ARHGEF6: variants seen among roughly 807,000 people sequenced by gnomAD.
ARHGEF6 encodes rho guanine nucleotide exchange factor 6.
In ARHGEF6, 9 loss-of-function variants were observed where a neutral mutation model predicts 70.3. The observed-to-expected ratio is 0.13, with a 90% CI of 0.08 to 0.22. ARHGEF6 has a LOEUF of 0.22. Among genes scored for constraint, ARHGEF6 ranks in the 10% least tolerant of loss-of-function variants. The probability of loss-of-function intolerance (pLI) is 1.00; values close to 1 mark genes in which losing one functional copy is unlikely to be tolerated. For synonymous variants in ARHGEF6, 201 were observed against 207.8 expected (o/e 0.97, Z 0.28); for missense variants, 470 against 563.0 (o/e 0.83, Z 1.67).
intron 2 of ARHGEF6, chrX:136,767,672 G>T (rs765828174): frequency 5.0e-5 from 38 of 752,887 alleles, no homozygotes; most frequent in South Asian, 2.7e-4. Flanking sequence ...AGCCCGCGAA[G>T]CTTCTCCAGA....
intron 21 of ARHGEF6, among the ~76,000 whole-genome samples, chrX:136,669,226 T>C (rs1314295165): frequency 1.8e-5 from 2 of 112,276 alleles, no homozygotes; most frequent in Non-Finnish European, 3.8e-5. Context: ...TGTTTATGGA[T>C]GTCAGAGAAC....
intron 6 of ARHGEF6, among the ~76,000 whole-genome samples, chrX:136,730,043 T>C (rs2076919938): frequency 1.8e-5 from 2 of 110,672 alleles, no homozygotes; most frequent in African/African-American, 6.6e-5. Context: ...GTGGTGTTTA[T>C]TTTCTTTTTT....
chrX:136,745,439 G>A, intron 3 of ARHGEF6, 92 bp from the exon 4 acceptor site: 2 of 1,031,170 alleles, frequency 1.9e-6, no homozygotes, highest in Non-Finnish European at 1.4e-6. Context: ...TACTATCAGA[G>A]GCATCCTGGC....
intron 5 of ARHGEF6, among the ~76,000 whole-genome samples, chrX:136,736,510 T>C (rs1453401885): frequency 1.8e-5 from 2 of 111,298 alleles, no homozygotes; most frequent in Admixed American, 1.9e-4. Context: ...TGACAATGGC[T>C]TCATGATGTC....
At chrX:136,748,109 G>A (rs947434722) in intron 2 of ARHGEF6, among the ~76,000 whole-genome samples, 2 of 111,567 alleles carry the variant, frequency 1.8e-5, no homozygotes, top group African/African-American at 3.3e-5. Flanking sequence ...ACTGCCACCC[G>A]CTGCATCCCA....
At chrX:136,761,378 G>C (rs1417672756) in intron 2 of ARHGEF6, among the ~76,000 whole-genome samples, 1 of 112,066 alleles carries the variant, frequency 8.9e-6, no homozygotes, top group Non-Finnish European at 1.9e-5. Flanking sequence ...TCACTGGGCT[G>C]CAATATCACG....
At chrX:136,703,536 T>G (rs1458575082) in intron 9 of ARHGEF6, among the ~76,000 whole-genome samples, 2 of 112,534 alleles carry the variant, frequency 1.8e-5, no homozygotes, top group Non-Finnish European at 3.8e-5. Flanking sequence ...TTATTTTTTT[T>G]CCTGAGACGG....
chrX:136,745,993 C>T (rs1301843518), intron 3 of ARHGEF6, among the ~76,000 whole-genome samples: 1 of 112,097 alleles, frequency 8.9e-6, no homozygotes, highest in Admixed American at 9.5e-5. Flanking sequence ...TGAGAGTATA[C>T]AAAAGAGAGG....
chrX:136,729,698 C>T (rs747337700), intron 6 of ARHGEF6, among the ~76,000 whole-genome samples: 2 of 104,770 alleles, frequency 1.9e-5, no homozygotes, highest in South Asian at 4.4e-4. Flanking sequence ...GGCGTGGTGG[C>T]GCTCGCCTGT....
chrX:136,750,610 C>T (rs2077139755), intron 2 of ARHGEF6, among the ~76,000 whole-genome samples: 1 of 111,889 alleles, frequency 8.9e-6, no homozygotes, highest in Non-Finnish European at 1.9e-5. Context: ...AAAAGTATTA[C>T]TTCTTAGACT....
chrX:136,687,953 G>T lies in ARHGEF6; in HGVS notation c.1224C>A (p.Ile408=). ...HPDHQDILKA[I]VAFKTLMGQC... The stretch of plus-strand genomic sequence containing the variant: ...CTACCATGAGAGTTTTGAATGCTAC[G>T]ATTGCTTTCAGAATATCCTGATGAT... Residue 408 remains isoleucine (I), a synonymous_variant, in exon 11 of 22, where the codon ATC becomes ATA. Coordinates refer to ENST00000250617, the MANE Select transcript of ARHGEF6 (RefSeq NM_004840.3). 8.3e-7 allele frequency: 1 copy of T among 1,207,680 alleles called. No homozygotes were observed. The highest frequency in any genetic ancestry group is 1.1e-6 in the Non-Finnish European group (1 of 891,640).
At chrX:136,750,914 T>C (rs2077143955) in intron 2 of ARHGEF6, among the ~76,000 whole-genome samples, 1 of 110,239 alleles carries the variant, frequency 9.1e-6, no homozygotes, top group Non-Finnish European at 1.9e-5. Context: ...GCAATTCTCC[T>C]GCCTCAGCCT....
At chrX:136,713,769 C>A (rs1603342419) in intron 6 of ARHGEF6, among the ~76,000 whole-genome samples, 1 of 111,970 alleles carries the variant, frequency 8.9e-6, no homozygotes, top group South Asian at 3.7e-4. Context: ...TGTGAGACCA[C>A]ATCAAACCCC....
At chrX:136,762,071 T>C (rs2077268877) in intron 2 of ARHGEF6, among the ~76,000 whole-genome samples, 2 of 111,387 alleles carry the variant, frequency 1.8e-5, no homozygotes, top group African/African-American at 3.3e-5. Flanking sequence ...CCCGCCATCA[T>C]GCTCAGCTAA....
chrX:136,759,814 A>G (rs947594193), intron 2 of ARHGEF6, among the ~76,000 whole-genome samples: 1 of 111,672 alleles, frequency 9.0e-6, no homozygotes, highest in Non-Finnish European at 1.9e-5. Context: ...CACTCACTCA[A>G]TTGACATGTC....
intron 7 of ARHGEF6, 81 bp downstream of exon 7, chrX:136,713,195 T>C (rs2076704595): frequency 2.4e-6 from 2 of 844,949 alleles, no homozygotes; most frequent in Non-Finnish European, 3.5e-6. Context: ...AAATCAATTA[T>C]TCAGTGACAT....
intron 11 of ARHGEF6, among the ~76,000 whole-genome samples, chrX:136,686,588 GTGTGTGTATATATATATA>G (rs1231977700): frequency 1.7e-5 from 1 of 58,448 alleles, no homozygotes; most frequent in African/African-American, 1.0e-4. Context: ...GTGTGTGTAT[GTGTGTGTATATATATATA>G]TATATATATA....
chrX:136,700,395 C>T (rs1446282394), intron 9 of ARHGEF6, among the ~76,000 whole-genome samples: 1 of 111,140 alleles, frequency 9.0e-6, no homozygotes, highest in East Asian at 2.8e-4. Flanking sequence ...GGCGTGGTGG[C>T]ACATGCCTGT....
intron 9 of ARHGEF6, among the ~76,000 whole-genome samples, chrX:136,692,947 G>A (rs1392366451): frequency 8.9e-6 from 1 of 112,091 alleles, no homozygotes; most frequent in African/African-American, 3.2e-5. Flanking sequence ...CCAACCAAGA[G>A]CATAAAGTGC....
Sources: gnomAD v4.1 joint callset for allele counts (sites outside exome capture counted in the v4.1 genomes callset) on GRCh38, gnomAD v4.1.1 for gene constraint, MANE v1.5 for transcripts, NCBI Gene and HGNC (gene_info 2026-07-23, HGNC 2026-07-21) for gene names.